Variants in CELF2 observed in about 807,000 individuals in gnomAD.
CELF2 encodes CUG triplet repeat RNA-binding protein 2.
A neutral mutation model predicts 62.6 loss-of-function variants in CELF2; 8 were observed. That is an observed-to-expected ratio of 0.13 (90% CI 0.07 to 0.23). The LOEUF is 0.23. Among genes scored for constraint, CELF2 ranks in the 10% least tolerant of loss-of-function variants. The pLI is 1.00. For synonymous variants in CELF2, 258 were observed against 250.0 expected (o/e 1.03, Z -0.30); for missense variants, 333 against 671.0 (o/e 0.50, Z 5.56).
intron 2 of CELF2, chr10:10,925,126 T>G (rs1327543002): frequency 6.6e-6 from 1 of 152,210 alleles, no homozygotes; most frequent in Non-Finnish European, 1.5e-5. Flanking sequence ...TGGAGGGCTT[T>G]GATAGGAAAC....
chr10:10,773,144 G>A, the CELF2 span, among the ~76,000 whole-genome samples: 8 of 152,218 alleles, frequency 5.3e-5, no homozygotes, highest in African/African-American at 1.9e-4. Context: ...ACACAAATAT[G>A]GTGTTGATTT....
rs757315537 is a variant in CELF2, at chr10:11,328,951, C to A, written c.1464C>A (p.Val488=). The part of the protein sequence containing the change: ...CFGFVSYDNP[V]SAQAAIQAMN... The stretch of plus-strand genomic sequence containing the variant: ...GTTTTGTTAGCTACGACAATCCAGT[C>A]TCTGCACAAGCTGCTATCCAAGCTA... The change falls in exon 13 of 13, where the codon GTC becomes GTA. Residue 488 remains valine (V), a synonymous_variant. Transcript: ENST00000633077. The surrounding 1 kb of genome is among the most constrained non-coding windows in gnomAD (Gnocchi z 6.4). 29 of 1,612,742 alleles carry A rather than the reference C, an allele frequency of 1.8e-5. No individual in the cohort carries two copies. Among genetic ancestry groups the A allele is most frequent in the Non-Finnish European group, 2.4e-5 (28 of 1,179,116 alleles).
intron 1 of CELF2, among the ~76,000 whole-genome samples, chr10:11,043,275 G>C (rs982952361): frequency 6.6e-6 from 1 of 152,220 alleles, no homozygotes; most frequent in Non-Finnish European, 1.5e-5. Context: ...CAGGGCCAGG[G>C]CTGGTAGAAC....
chr10:10,858,003 T>A (rs2059846036), intron 1 of CELF2, among the ~76,000 whole-genome samples: 1 of 151,822 alleles, frequency 6.6e-6, no homozygotes, highest in Non-Finnish European at 1.5e-5. Flanking sequence ...ATAGAAATTA[T>A]CTAAATTATC....
intron 1 of CELF2, among the ~76,000 whole-genome samples, chr10:11,144,067 T>G (rs537340353): frequency 3.9e-4 from 59 of 152,268 alleles, no homozygotes; most frequent in Admixed American, 8.5e-4. Flanking sequence ...TTGGGTTCAC[T>G]CTCTAGGCCT....
At chr10:11,059,461 C>G (rs920100953) in intron 1 of CELF2, among the ~76,000 whole-genome samples, 2 of 152,088 alleles carry the variant, frequency 1.3e-5, no homozygotes, top group African/African-American at 4.8e-5. Flanking sequence ...CTTTTCTCAC[C>G]ATGAGGAAAG....
At position 11,300,125 on chromosome 10, in the gene CELF2, GATTTCTTAGATCCAC is replaced by G. The variant is rs1288230345; in HGVS notation, c.976+11574_976+11588del. On this transcript the variant is annotated intron_variant, in intron 9 of 12. Coordinates refer to ENST00000633077, the MANE Select transcript of CELF2 (RefSeq NM_001326342.2). The surrounding 1 kb of genome is among the most constrained non-coding windows in gnomAD (Gnocchi z 5.5). ...TGGTTTATTGACAACCCATGAAGTA[GATTTCTTAGATCCAC>G]TAGACAGAGCTTCCACAAGCCTTTG... 1.3e-5 allele frequency among the ~76,000 whole-genome samples: 2 copies of G among 152,172 alleles called. No individual in the cohort carries two copies. Among genetic ancestry groups the G allele is most frequent in the East Asian group, 3.9e-4 (2 of 5,192 alleles).
At chr10:10,650,765 T>G in the CELF2 span, among the ~76,000 whole-genome samples, 1 of 152,318 alleles carries the variant, frequency 6.6e-6, no homozygotes, top group Non-Finnish European at 1.5e-5. Flanking sequence ...TGGAAAAAGT[T>G]TTAGCGTTCC....
At position 11,321,439 on chromosome 10, in the gene CELF2, C is replaced by A; in HGVS notation, c.1294+53C>A. 1 of 1,440,058 alleles carries A rather than the reference C, an allele frequency of 6.9e-7. No homozygotes were observed. The highest frequency in any genetic ancestry group is 9.6e-7 in the Non-Finnish European group (1 of 1,041,616). The allele number at this position is 1,440,058 out of a possible 1,614,324, so 89.2% of individuals were successfully genotyped here. A position where few individuals can be genotyped will look rare whatever the true frequency, so the allele number is the denominator to read the frequency against. ...GGCCCAGCCCAACAGGCAGCACTGG[C>A]CTCTAGAGCACGGTTAGAAGGTATC... On this transcript the variant is annotated intron_variant, in intron 11 of 12. Transcript: ENST00000633077. The surrounding 1 kb of genome is among the most constrained non-coding windows in gnomAD (Gnocchi z 6.2).
chr10:10,686,790 G>A, the CELF2 span, among the ~76,000 whole-genome samples: 15 of 152,238 alleles, frequency 9.9e-5, no homozygotes, highest in Admixed American at 2.6e-4. Flanking sequence ...AGTCTCAGAT[G>A]TGTCTTCATA....
Position 10,987,663 on chromosome 10 carries a change from A to G in CELF2, c.89+67664A>G, listed in dbSNP as rs78088583. On this transcript the variant is annotated intron_variant, in intron 2 of 13. Coordinates refer to the CELF2 transcript ENST00000636488. ...AGATGTTTTAGTTTATAATATTAACATACTATAACACATCACCTCAGTAGA... is the reference window on the plus strand; with the variant it reads ...AGATGTTTTAGTTTATAATATTAACGTACTATAACACATCACCTCAGTAGA... Among the ~76,000 whole-genome samples, 406 of 152,298 alleles carry G rather than the reference A, an allele frequency of 2.7e-3. 2 individuals carry two copies. The highest frequency in any genetic ancestry group is 9.2e-3 in the African/African-American group (383 of 41,558).
chr10:11,252,375 A>G (rs1330642024), intron 4 of CELF2, among the ~76,000 whole-genome samples: 1 of 152,256 alleles, frequency 6.6e-6, no homozygotes, highest in African/African-American at 2.4e-5. Flanking sequence ...TATGGATAGC[A>G]CAAAGGACTC....
At chr10:11,233,271 C>A (rs999927656) in intron 3 of CELF2, among the ~76,000 whole-genome samples, 2 of 152,300 alleles carry the variant, frequency 1.3e-5, no homozygotes, top group South Asian at 2.1e-4. Flanking sequence ...CTTTCACACA[C>A]GCAGGAGAAA....
upstream of CELF2, among the ~76,000 whole-genome samples, chr10:10,795,274 G>A (rs1397613883): frequency 6.6e-6 from 1 of 150,648 alleles, no homozygotes; most frequent in Admixed American, 6.6e-5. Context: ...GAACTCTCAG[G>A]AGAGGTGACT....
At chr10:10,927,474 T>C (rs764483849) in intron 2 of CELF2, among the ~76,000 whole-genome samples, 9 of 151,996 alleles carry the variant, frequency 5.9e-5, no homozygotes, top group Non-Finnish European at 1.0e-4. Flanking sequence ...GTTGCCAAGA[T>C]GAAAGTTCAG....
the CELF2 span, among the ~76,000 whole-genome samples, chr10:10,546,771 T>C: frequency 3.9e-5 from 6 of 151,998 alleles, no homozygotes; most frequent in South Asian, 2.1e-4. Flanking sequence ...AAGTACCTGA[T>C]AGACCTTTTT....
rs1350282622 is a variant in CELF2, at chr10:11,178,072, C to T, written c.271+12390C>T. Among the ~76,000 whole-genome samples, 7 of 152,202 alleles carry T rather than the reference C, an allele frequency of 4.6e-5. No homozygotes were observed. Among genetic ancestry groups the T allele is most frequent in the African/African-American group, 7.2e-5 (3 of 41,430 alleles). ...AGAGGTCAGATCCCTACACATGAAA[C>T]GCTGCGGCCACAGCTGCAGCCATGC... On this transcript the variant is annotated intron_variant, in intron 2 of 12. Coordinates refer to ENST00000633077, the MANE Select transcript of CELF2 (RefSeq NM_001326342.2). This position sits in a 1 kb window ranked among gnomAD's most constrained non-coding sequence, Gnocchi z 4.3.
chr10:11,006,870 C>T (rs983402832), intron 1 of CELF2, among the ~76,000 whole-genome samples: 2 of 152,160 alleles, frequency 1.3e-5, no homozygotes, highest in African/African-American at 2.4e-5. Flanking sequence ...AAATATCTTT[C>T]ATTTTACAAG....
chr10:10,606,307 G>C, the CELF2 span, among the ~76,000 whole-genome samples: 3 of 152,134 alleles, frequency 2.0e-5, no homozygotes, highest in African/African-American at 7.2e-5. Flanking sequence ...AAGGATTTAG[G>C]CTGTAATGGA....
Sources: allele counts gnomAD v4.1 joint callset (sites outside exome capture counted in the v4.1 genomes callset), GRCh38; gene constraint gnomAD v4.1.1; non-coding constraint Gnocchi (gnomAD v3.1); transcripts MANE v1.5; gene names NCBI Gene and HGNC (gene_info 2026-07-23, HGNC 2026-07-21).